The following CCL4 variants were observed in gnomAD, a reference collection of about 807,000 sequenced individuals.
CCL4 encodes the protein C-C motif chemokine ligand 4.
In CCL4, 8 loss-of-function variants were observed where a neutral mutation model predicts 10.3. The observed-to-expected ratio is 0.77, with a 90% CI of 0.45 to 1.39. CCL4 has a LOEUF of 1.39. Among genes scored for constraint, CCL4 ranks in the 40% most tolerant of loss-of-function variants. The pLI, the probability that CCL4 is intolerant of heterozygous loss-of-function variation, is 0.00. For synonymous variants in CCL4, 35 were observed against 44.3 expected (o/e 0.79, Z 0.83); for missense variants, 106 against 111.2 (o/e 0.95, Z 0.21).
intron 2 of CCL4, 80 bp downstream of exon 2, chr17:36,104,722 G>A: frequency 1.9e-6 from 3 of 1,573,432 alleles, no homozygotes; most frequent in Non-Finnish European, 2.6e-6. Flanking sequence ...TGGGGAGGGG[G>A]TGATTGAGCA....
Position 36,104,760 on chromosome 17 carries a change from C to G in CCL4, c.191+118C>G, listed in dbSNP as rs577702687. ...GGGGAGGCAGCTCCCAGGGCTGAAG[C>G]CTTCCCTGAGAGCAGTGAGGACACA... On this transcript the variant is annotated intron_variant, in intron 2 of 2. Coordinates refer to ENST00000615863, the MANE Select transcript of CCL4 (RefSeq NM_002984.4). 2.9e-5 allele frequency: 38 copies of G among 1,320,510 alleles called. No homozygotes were observed. In the African/African-American group the frequency reaches 4.8e-4, roughly 17 times the overall value. 81.8% of individuals were successfully genotyped at this position (1,320,510 alleles called of 1,614,324 possible).
intron 2 of CCL4, 176 bp downstream of exon 2, chr17:36,104,818 G>A (rs762279403): frequency 1.1e-5 from 9 of 845,382 alleles, no homozygotes; most frequent in East Asian, 2.6e-5. Context: ...TGCTGAAGGC[G>A]GCAGAGTGGG....
chr17:36,104,656 C>T lies in CCL4; in HGVS notation c.191+14C>T. ...GCCAGCTGTGGTGTGAGTATCAACC[C>T]CTGGGCTGCCCTGGGAGGCAAGGGT... On this transcript the variant is annotated intron_variant, in intron 2 of 2. Transcript: ENST00000615863. 1 of 1,613,682 alleles carries T rather than the reference C, an allele frequency of 6.2e-7. No individual in the cohort carries two copies.
chr17:36,103,954 T>C lies in CCL4; in HGVS notation c.49T>C (p.Phe17Leu), dbSNP rs2067139369. ...GTCTCTCCTCATGCTAGTAGCTGCC[T>C]TCTGCTCTCCAGCGCTCTCAGCACC... ...VLSLLMLVAAFCSPALSAPMG... is the reference protein window; with the variant it reads ...VLSLLMLVAALCSPALSAPMG... The change falls in exon 1 of 3, where the codon TTC becomes CTC. Residue 17 changes from phenylalanine (F) to leucine (L), a missense_variant. Coordinates refer to ENST00000615863, the MANE Select transcript of CCL4 (RefSeq NM_002984.4). 4 of 1,613,870 alleles carry C rather than the reference T, an allele frequency of 2.5e-6. No individual in the cohort carries two copies. In the African/African-American group the frequency reaches 5.3e-5, roughly 22 times the overall value.
At chr17:36,104,383 A>G (rs1020043183) in intron 1 of CCL4, 145 bp from the exon 2 acceptor site, 3 of 957,286 alleles carry the variant, frequency 3.1e-6, no homozygotes, top group Admixed American at 2.0e-5. Flanking sequence ...ACTATTCAAA[A>G]TAAGACTCCT....
chr17:36,104,825 T>C lies in CCL4; in HGVS notation c.191+183T>C, dbSNP rs1437363402. 3 of 820,464 alleles carry C rather than the reference T, an allele frequency of 3.7e-6. No homozygotes were observed. The Admixed American group carries it at 6.1e-5, about 17-fold the overall frequency. The allele number at this position is 820,464 out of a possible 1,614,324, so 50.8% of individuals were successfully genotyped here. A position where few individuals can be genotyped will look rare whatever the true frequency, so the allele number is the denominator to read the frequency against. On this transcript the variant is annotated intron_variant, in intron 2 of 2. Coordinates refer to ENST00000615863, the MANE Select transcript of CCL4 (RefSeq NM_002984.4). The stretch of plus-strand genomic sequence containing the variant: ...TTTTCAAGTGCTGAAGGCGGCAGAG[T>C]GGGAGCCGAGAGAGAAGGGGGTTGC...
chr17:36,104,905 T>C (rs1450544253), intron 2 of CCL4: 7 of 687,670 alleles, frequency 1.0e-5, no homozygotes, highest in Non-Finnish European at 1.9e-5. Flanking sequence ...ACAGGTCCCA[T>C]GAGATATGGA....
chr17:36,105,369 A>G lies in CCL4; in HGVS notation c.*57A>G. 6.5e-7 allele frequency: 1 copy of G among 1,531,938 alleles called. No individual in the cohort carries two copies. Among genetic ancestry groups the G allele is most frequent in the Non-Finnish European group, 9.0e-7 (1 of 1,105,100 alleles). The allele number at this position is 1,531,938 out of a possible 1,614,324, so 94.9% of individuals were successfully genotyped here. A position where few individuals can be genotyped will look rare whatever the true frequency, so the allele number is the denominator to read the frequency against. ...GTCACCTGAGCCCGGATGCTTCTCC[A>G]TGAGACACATCTCCTCCATACTCAG... On this transcript the variant is annotated 3_prime_UTR_variant, in exon 3 of 3. Transcript: ENST00000615863.
intron 2 of CCL4, chr17:36,104,949 G>A: frequency 1.4e-6 from 1 of 705,980 alleles, no homozygotes. Flanking sequence ...AAGACATGTG[G>A]AAAAGTCACT....
At chr17:36,104,368 G>A in intron 1 of CCL4, 160 bp from the exon 2 acceptor site, 1 of 827,620 alleles carries the variant, frequency 1.2e-6, no homozygotes. Context: ...CTTCTCTGAA[G>A]ATCCACTATT....
intron 2 of CCL4, chr17:36,104,902 C>T (rs1200162818): frequency 2.0e-5 from 14 of 689,132 alleles, no homozygotes; most frequent in Non-Finnish European, 2.6e-6. Flanking sequence ...CAGACAGGTC[C>T]CATGAGATAT....
rs538011270 is a variant in CCL4, at chr17:36,105,313, G to A, written c.*1G>A. Reference sequence around the variant, plus strand: ...CGTGTATGACCTGGAACTGAACTGAGCTGCTCAGAGACAGGAAGTCTTCAG... The same window carrying A: ...CGTGTATGACCTGGAACTGAACTGAACTGCTCAGAGACAGGAAGTCTTCAG... On this transcript the variant is annotated 3_prime_UTR_variant, in exon 3 of 3. Transcript: ENST00000615863. The A allele has an allele frequency of 1.9e-6, 3 of 1,613,656 alleles. No homozygotes were observed. Among genetic ancestry groups the A allele is most frequent in the East Asian group, 2.2e-5 (1 of 44,880 alleles).
chr17:36,104,259 T>G, intron 1 of CCL4: 1 of 703,308 alleles, frequency 1.4e-6, no homozygotes, highest in Non-Finnish European at 2.6e-6. Flanking sequence ...CAAGCCCCTG[T>G]CCCTCTCTGT....
Position 36,104,831 on chromosome 17 carries a change from C to A in CCL4, c.191+189C>A, listed in dbSNP as rs542665200. 4.5e-5 allele frequency: 36 copies of A among 794,128 alleles called. No homozygotes were observed. The South Asian group carries it at 5.0e-4, about 11-fold the overall frequency. The allele number at this position is 794,128 out of a possible 1,614,324, so 49.2% of individuals were successfully genotyped here. A position where few individuals can be genotyped will look rare whatever the true frequency, so the allele number is the denominator to read the frequency against. On this transcript the variant is annotated intron_variant, in intron 2 of 2. Transcript: ENST00000615863. Reference sequence around the variant, plus strand: ...AGTGCTGAAGGCGGCAGAGTGGGAGCCGAGAGAGAAGGGGGTTGCTGGGGA... The same window carrying A: ...AGTGCTGAAGGCGGCAGAGTGGGAGACGAGAGAGAAGGGGGTTGCTGGGGA...
At chr17:36,104,970 C>A in intron 2 of CCL4, 1 of 709,394 alleles carries the variant, frequency 1.4e-6, no homozygotes, top group Non-Finnish European at 2.6e-6. Context: ...GCCAGGCTGG[C>A]AGGGAATGGG....
intron 2 of CCL4, 161 bp from the exon 3 acceptor site, chr17:36,105,064 A>C: frequency 2.4e-6 from 2 of 825,370 alleles, no homozygotes; most frequent in South Asian, 2.8e-5. Flanking sequence ...CAGTGGGTGG[A>C]AGTTACAGGG....
intron 1 of CCL4, 22 bp from the exon 2 acceptor site, chr17:36,104,506 T>G (rs1421539677): frequency 6.2e-7 from 1 of 1,610,032 alleles, no homozygotes; most frequent in East Asian, 2.2e-5. Flanking sequence ...AGTGTTGATC[T>G]CACCCTGGCC....
At position 36,104,585 on chromosome 17, in the gene CCL4, G is replaced by A. The variant is rs528656426; in HGVS notation, c.134G>A (p.Arg45His). The A allele has an allele frequency of 2.1e-5, 34 of 1,613,326 alleles. No individual in the cohort carries two copies. In the Middle Eastern group the frequency reaches 7.1e-4, roughly 34 times the overall value. Residue 45 changes from arginine to histidine, a missense_variant, in exon 2 of 3, where the codon CGC becomes CAC. Transcript: ENST00000615863. Reference sequence around the variant, plus strand: ...TCTTACACCGCGAGGAAGCTTCCTCGCAACTTTGTGGTAGATTACTATGAG... The same window carrying A: ...TCTTACACCGCGAGGAAGCTTCCTCACAACTTTGTGGTAGATTACTATGAG... Reference protein sequence around the residue: ...CFSYTARKLPRNFVVDYYETS... With the variant: ...CFSYTARKLPHNFVVDYYETS...
At position 36,104,313 on chromosome 17, in the gene CCL4, T is replaced by C. The variant is rs557840619; in HGVS notation, c.77-215T>C. 3,452 of 712,148 alleles carry C rather than the reference T, an allele frequency of 4.8e-3. 137 individuals are homozygous for C. In the Admixed American group the frequency reaches 0.064, roughly 13 times the overall value. The allele number at this position is 712,148 out of a possible 1,614,324, so 44.1% of individuals were successfully genotyped here. ...GTCATATGAAGGGAGTGCGATGTGT[T>C]CTGAGACTGAATCCAGTTCCAATCT... On this transcript the variant is annotated intron_variant, in intron 1 of 2. Transcript: ENST00000615863.
Sources: allele counts gnomAD v4.1 joint callset, GRCh38; gene constraint gnomAD v4.1.1; transcripts MANE v1.5; gene names NCBI Gene and HGNC (gene_info 2026-07-23, HGNC 2026-07-21).